ALG6: variants seen among roughly 807,000 people sequenced by gnomAD.
ALG6 encodes the protein ALG6 alpha-1,3-glucosyltransferase.
Under a neutral mutation model 66.6 loss-of-function variants are expected in ALG6, and 46 were observed. The ratio of observed to expected loss-of-function variants is 0.69; its 90% CI spans 0.55 to 0.88. The LOEUF (loss-of-function observed/expected upper bound fraction) is 0.88. Ranked by LOEUF, ALG6 falls within the 40% of genes least tolerant of loss-of-function variation. ALG6 has a pLI of 0.00. For synonymous variants in ALG6, 185 were observed against 203.7 expected, an observed-to-expected ratio of 0.91 and a Z score of 0.78; for missense variants, 505 against 586.8, an observed-to-expected ratio of 0.86 and a Z score of 1.44.
intron 8 of ALG6, 62 bp downstream of exon 8, chr1:63,411,393 T>A: frequency 6.9e-7 from 1 of 1,458,624 alleles, no homozygotes; most frequent in Non-Finnish European, 9.5e-7. Context: ...TTGGCATACT[T>A]ACTTGCAGTA....
chr1:63,372,938 A>G (rs890273574), intron 2 of ALG6, among the ~76,000 whole-genome samples: 2 of 150,926 alleles, frequency 1.3e-5, no homozygotes, highest in African/African-American at 2.4e-5. Context: ...GATTACAGGC[A>G]TGAGCCACCG....
intron 1 of ALG6, 35 bp from the exon 2 acceptor site, chr1:63,370,736 C>A: frequency 1.9e-6 from 1 of 519,248 alleles, no homozygotes; most frequent in South Asian, 2.0e-5. Context: ...GTACTGTACT[C>A]AGCTGAATCT....
intron 7 of ALG6, among the ~76,000 whole-genome samples, chr1:63,410,039 A>G (rs1002361940): frequency 2.0e-5 from 3 of 151,914 alleles, no homozygotes; most frequent in Admixed American, 6.6e-5. Context: ...TGCACATACT[A>G]CTCAAAGACT....
rs1016079273 is a variant in ALG6, at chr1:63,370,858, C to T, written c.-120C>T. 4.3e-5 allele frequency: 33 copies of T among 759,544 alleles called. No homozygotes were observed. The highest frequency in any genetic ancestry group is 6.7e-5 in the Non-Finnish European group (28 of 417,900). 47.1% of individuals were successfully genotyped at this position (759,544 alleles called of 1,614,324 possible). On this transcript the variant is annotated 5_prime_UTR_variant, in exon 2 of 15. Coordinates refer to ENST00000263440, the MANE Select transcript of ALG6 (RefSeq NM_013339.4). ...TCTCAAACTCCTAATTGCGAAGAAT[C>T]GATAACATTTCAAGAAGTGATAACA...
chr1:63,391,937 C>G (rs922716781), intron 2 of ALG6, among the ~76,000 whole-genome samples: 5 of 152,142 alleles, frequency 3.3e-5, no homozygotes, highest in African/African-American at 1.2e-4. Context: ...CACAGTTCCT[C>G]TATACTTGAT....
intron 12 of ALG6, among the ~76,000 whole-genome samples, chr1:63,421,893 A>T (rs1644575534): frequency 6.6e-6 from 1 of 151,216 alleles, no homozygotes; most frequent in South Asian, 2.1e-4. Context: ...GGGGAGGGAT[A>T]GCATTAGGGA....
At chr1:63,436,357 ATTCAG>A (rs1047612014) in intron 14 of ALG6, among the ~76,000 whole-genome samples, 4 of 152,138 alleles carry the variant, frequency 2.6e-5, no homozygotes, top group Admixed American at 2.0e-4. Context: ...TGTTAACTAT[ATTCAG>A]CCTACTGACC....
At chr1:63,413,854 G>A (rs1035075801) in intron 9 of ALG6, 5 of 482,500 alleles carry the variant, frequency 1.0e-5, no homozygotes, top group Non-Finnish European at 1.9e-5. Context: ...CAATGCTTTT[G>A]ATCAACTGCC....
chr1:63,393,267 C>G (rs1648724567), intron 2 of ALG6, among the ~76,000 whole-genome samples: 2 of 152,156 alleles, frequency 1.3e-5, no homozygotes, highest in South Asian at 4.1e-4. Flanking sequence ...GCAATTAATT[C>G]TTTGGGGAAT....
chr1:63,412,286 C>T (rs921882966), intron 9 of ALG6, among the ~76,000 whole-genome samples: 2 of 152,130 alleles, frequency 1.3e-5, no homozygotes, highest in African/African-American at 4.8e-5. Flanking sequence ...TGGTGCACTA[C>T]AGCCTTGAAC....
intron 2 of ALG6, among the ~76,000 whole-genome samples, chr1:63,383,685 A>G (rs893347889): frequency 4.6e-5 from 7 of 152,314 alleles, no homozygotes; most frequent in Non-Finnish European, 1.0e-4. Context: ...TAAACATTCC[A>G]TTTATACTTT....
intron 2 of ALG6, among the ~76,000 whole-genome samples, chr1:63,387,344 A>G (rs962208983): frequency 4.6e-5 from 7 of 151,998 alleles, no homozygotes; most frequent in Non-Finnish European, 7.4e-5. Context: ...TTCTGTCTGG[A>G]TGATTTGTCC....
At chr1:63,409,360 C>A (rs536754588) in intron 7 of ALG6, among the ~76,000 whole-genome samples, 1 of 152,128 alleles carries the variant, frequency 6.6e-6, no homozygotes, top group South Asian at 2.1e-4. Flanking sequence ...TGGGTCCATA[C>A]GTTTTGAAGA....
At chr1:63,410,809 A>C (rs1028175974) in intron 7 of ALG6, among the ~76,000 whole-genome samples, 50 of 151,910 alleles carry the variant, frequency 3.3e-4, no homozygotes, top group Admixed American at 2.2e-3. Context: ...TATTCTCTAG[A>C]TTTTGGTATG....
intron 10 of ALG6, among the ~76,000 whole-genome samples, chr1:63,414,880 G>A (rs183997080): frequency 2.6e-5 from 4 of 152,292 alleles, no homozygotes; most frequent in South Asian, 2.1e-4. Flanking sequence ...GAATATCTAG[G>A]GGGGAAGGAA....
At chr1:63,421,216 T>C (rs1049042015) in intron 12 of ALG6, among the ~76,000 whole-genome samples, 2 of 152,150 alleles carry the variant, frequency 1.3e-5, no homozygotes, top group Non-Finnish European at 2.9e-5. Context: ...TTTGCTCTTG[T>C]TGCCCAAGCT....
rs200661626 is a variant in ALG6, at chr1:63,429,100, T to A, written c.1300T>A (p.Phe434Ile). ...SVRKYLPCFT[F>I]LSRIIQYLFL... Reference sequence around the variant, plus strand: ...GAGGAAATATCTTCCATGTTTTACATTTCTTTCCAGAATTATACAATATTT... The same window carrying A: ...GAGGAAATATCTTCCATGTTTTACAATTCTTTCCAGAATTATACAATATTT... Residue 434 changes from phenylalanine (F) to isoleucine (I), a missense_variant, in exon 14 of 15, where the codon TTT (phenylalanine) becomes ATT (isoleucine). Physicochemically the swap from Phe to Ile is conservative, Grantham distance 21. Coordinates refer to ENST00000263440, the MANE Select transcript of ALG6 (RefSeq NM_013339.4). The A allele has an allele frequency of 1.0e-5, 16 of 1,602,528 alleles. No individual in the cohort carries two copies. The African/African-American group carries it at 2.1e-4, about 21-fold the overall frequency.
At chr1:63,411,864 G>A (rs1644518080) in intron 8 of ALG6, 62 bp from the exon 9 acceptor site, 2 of 1,607,730 alleles carry the variant, frequency 1.2e-6, no homozygotes, top group East Asian at 4.5e-5. Context: ...TGAGACTCAG[G>A]TTGATTTTGC....
intron 4 of ALG6, among the ~76,000 whole-genome samples, chr1:63,403,316 A>G (rs1477768179): frequency 1.3e-5 from 2 of 152,134 alleles, no homozygotes; most frequent in Non-Finnish European, 1.5e-5. Context: ...ATAGATCCAG[A>G]TGGTTACCAA....
Sources: gnomAD v4.1 joint callset for allele counts (sites outside exome capture counted in the v4.1 genomes callset) on GRCh38, gnomAD v4.1.1 for gene constraint, MANE v1.5 for transcripts, NCBI Gene and HGNC (gene_info 2026-07-23, HGNC 2026-07-21) for gene names.